Variants in SH3GL3 observed in about 807,000 individuals in gnomAD.
SH3GL3 encodes endophilin-A3.
Under a neutral mutation model 47.7 loss-of-function variants are expected in SH3GL3, and 33 were observed. That is an observed-to-expected ratio of 0.69 (90% CI 0.52 to 0.92). SH3GL3 has a LOEUF of 0.92. Among genes scored for constraint, SH3GL3 ranks in the 40% least tolerant of loss-of-function variants. The pLI is 0.00. For missense variants in SH3GL3, 363 were observed against 417.8 expected, an observed-to-expected ratio of 0.87 and a Z score of 1.14; for synonymous variants, 155 against 148.8, an observed-to-expected ratio of 1.04 and a Z score of -0.30.
chr15:83,558,681 T>A (rs2045088176), intron 1 of SH3GL3, among the ~76,000 whole-genome samples: 1 of 152,192 alleles, frequency 6.6e-6, no homozygotes, highest in Non-Finnish European at 1.5e-5. Context: ...CTGGCTCTTT[T>A]TTCCATGCCT....
chr15:83,484,363 G>GT (rs988869016), intron 1 of SH3GL3, among the ~76,000 whole-genome samples: 1 of 151,980 alleles, frequency 6.6e-6, no homozygotes, highest in African/African-American at 2.4e-5. Context: ...CGTTTTCCTT[G>GT]TTTTTTGCTT....
At chr15:83,600,921 G>C (rs745724235) in intron 8 of SH3GL3, among the ~76,000 whole-genome samples, 5 of 152,000 alleles carry the variant, frequency 3.3e-5, no homozygotes, top group African/African-American at 7.2e-5. Context: ...TTTTGGTTAG[G>C]TATATTTCTA....
At chr15:83,497,263 C>A (rs1487068581) in intron 1 of SH3GL3, among the ~76,000 whole-genome samples, 1 of 152,118 alleles carries the variant, frequency 6.6e-6, no homozygotes, top group East Asian at 1.9e-4. Flanking sequence ...CCTTCTTGCC[C>A]CTTGTCTTCA....
chr15:83,508,388 A>C (rs779716741), intron 1 of SH3GL3, among the ~76,000 whole-genome samples: 21 of 151,898 alleles, frequency 1.4e-4, no homozygotes, highest in Middle Eastern at 3.4e-3. Flanking sequence ...AAGGCCTTAG[A>C]AACACGCTGG....
intron 1 of SH3GL3, among the ~76,000 whole-genome samples, chr15:83,529,149 T>G (rs28457805): frequency 6.6e-6 from 1 of 152,202 alleles, no homozygotes; most frequent in Non-Finnish European, 1.5e-5. Context: ...TTGCTGGGGA[T>G]GCCTTTGCTG....
intron 1 of SH3GL3, among the ~76,000 whole-genome samples, chr15:83,504,012 G>C (rs745995442): frequency 6.6e-6 from 1 of 152,036 alleles, no homozygotes; most frequent in Non-Finnish European, 1.5e-5. Flanking sequence ...ATGAATCACT[G>C]TTTATTTCCA....
At chr15:83,608,159 C>G (rs932034884) in intron 8 of SH3GL3, among the ~76,000 whole-genome samples, 9 of 152,106 alleles carry the variant, frequency 5.9e-5, no homozygotes, top group African/African-American at 1.7e-4. Context: ...AATGATTAAG[C>G]TTGAGTTCCA....
chr15:83,530,292 T>C (rs954644435), intron 1 of SH3GL3, among the ~76,000 whole-genome samples: 1 of 152,102 alleles, frequency 6.6e-6, no homozygotes, highest in Non-Finnish European at 1.5e-5. Flanking sequence ...CCCAGGAGGA[T>C]AGAGAGGCTC....
intron 1 of SH3GL3, among the ~76,000 whole-genome samples, chr15:83,546,502 A>C (rs915566989): frequency 2.0e-5 from 3 of 152,116 alleles, no homozygotes; most frequent in African/African-American, 7.2e-5. Flanking sequence ...GGAAATGAGA[A>C]ATCCTCTTGG....
chr15:83,539,783 A>C (rs185709479), intron 1 of SH3GL3, among the ~76,000 whole-genome samples: 1 of 152,160 alleles, frequency 6.6e-6, no homozygotes, highest in East Asian at 1.9e-4. Flanking sequence ...GATATCTTCT[A>C]TCCTAGGGTT....
At chr15:83,463,419 C>G (rs538925240) in intron 1 of SH3GL3, among the ~76,000 whole-genome samples, 1 of 152,138 alleles carries the variant, frequency 6.6e-6, no homozygotes, top group African/African-American at 2.4e-5. Context: ...CTTCCTCTTA[C>G]CATCTCCTCT....
At chr15:83,618,034 A>C (rs1315950421) in intron 8 of SH3GL3, 48 bp from the exon 9 acceptor site, 1 of 1,230,672 alleles carries the variant, frequency 8.1e-7, no homozygotes, top group East Asian at 2.3e-5. Context: ...TCCCATGGAT[A>C]ATCCATCATG....
At position 83,618,193 on chromosome 15, in the gene SH3GL3, A is replaced by G. The variant is rs778865546; in HGVS notation, c.950A>G (p.Gln317Arg). The G allele has an allele frequency of 5.6e-6, 9 of 1,609,286 alleles. No homozygotes were observed. The South Asian group carries it at 9.9e-5, about 18-fold the overall frequency. ...KEGDIITLTN[Q>R]IDENWYEGMI... Reference sequence around the variant, plus strand: ...GGGGACATCATTACATTAACCAATCAAATAGATGAAAACTGGTATGAAGGA... The same window carrying G: ...GGGGACATCATTACATTAACCAATCGAATAGATGAAAACTGGTATGAAGGA... Residue 317 changes from glutamine to arginine, a missense_variant, in exon 9 of 9, where the codon CAA becomes CGA. Physicochemically the swap from Gln to Arg is conservative, Grantham distance 43 (BLOSUM62 1). Transcript: ENST00000427482.
intron 1 of SH3GL3, among the ~76,000 whole-genome samples, chr15:83,554,734 T>C (rs1239103154): frequency 6.6e-6 from 1 of 152,232 alleles, no homozygotes; most frequent in African/African-American, 2.4e-5. Flanking sequence ...TCATTGTCCC[T>C]GGCATCTGCT....
rs745336581 is a variant in SH3GL3 at position 83,456,760 on chromosome 15, AC to A, written c.45+9185del. Reference sequence around the variant, plus strand: ...TACCTCAGATGGAAATGCAGAAATCACCCGTCTTCTGCGTCGCTCACGCTGG... The same window carrying A: ...TACCTCAGATGGAAATGCAGAAATCACCGTCTTCTGCGTCGCTCACGCTGG... On this transcript the variant is annotated intron_variant, in intron 1 of 8. Transcript: ENST00000427482. Among the ~76,000 whole-genome samples the A allele has an allele frequency of 1.3e-3, 203 of 150,698 alleles. 2 individuals carry two copies. Among genetic ancestry groups the A allele is most frequent in the African/African-American group, 4.1e-3 (169 of 40,956 alleles).
intron 1 of SH3GL3, among the ~76,000 whole-genome samples, chr15:83,511,504 A>G (rs1300955739): frequency 2.0e-5 from 3 of 152,250 alleles, no homozygotes; most frequent in Non-Finnish European, 4.4e-5. Context: ...GTTCCTTTTT[A>G]AAATGAAAAC....
At chr15:83,598,023 T>A (rs1196098488) in intron 8 of SH3GL3, among the ~76,000 whole-genome samples, 2 of 152,232 alleles carry the variant, frequency 1.3e-5, no homozygotes, top group African/African-American at 4.8e-5. Context: ...CTTGGCTCTG[T>A]GCACAACTTT....
intron 1 of SH3GL3, among the ~76,000 whole-genome samples, chr15:83,545,545 T>A (rs557123538): frequency 6.6e-6 from 1 of 152,280 alleles, no homozygotes; most frequent in South Asian, 2.1e-4. Flanking sequence ...TTTGGTGAGG[T>A]CTTGTTTTTT....
intron 1 of SH3GL3, among the ~76,000 whole-genome samples, chr15:83,495,398 A>G (rs1180975206): frequency 6.6e-6 from 1 of 152,194 alleles, no homozygotes; most frequent in Non-Finnish European, 1.5e-5. Context: ...AGAAAGGGAA[A>G]GCATCCTCAT....
Sources: allele counts gnomAD v4.1 joint callset (sites outside exome capture counted in the v4.1 genomes callset), GRCh38; gene constraint gnomAD v4.1.1; transcripts MANE v1.5; gene names NCBI Gene and HGNC (gene_info 2026-07-23, HGNC 2026-07-21).